The following PTTG1IP variants were observed in gnomAD, a reference collection of about 807,000 sequenced individuals.
The protein encoded by PTTG1IP is pituitary tumor-transforming gene 1 protein-interacting protein.
A neutral mutation model predicts 24.4 loss-of-function variants in PTTG1IP; 16 were observed. The observed-to-expected ratio is 0.66, with a 90% CI of 0.44 to 1.00. PTTG1IP has a LOEUF of 1.00. Among genes scored for constraint, PTTG1IP ranks in the 50% least tolerant of loss-of-function variants. PTTG1IP has a pLI of 0.00. For missense variants in PTTG1IP, 241 were observed against 245.8 expected (o/e 0.98, Z 0.13); for synonymous variants, 89 against 96.8 (o/e 0.92, Z 0.47).
At chr21:44,866,849 T>C (rs1277843406) in intron 1 of PTTG1IP, among the ~76,000 whole-genome samples, 27 of 152,250 alleles carry the variant, frequency 1.8e-4, no homozygotes, top group Non-Finnish European at 1.6e-4. Flanking sequence ...TTGGCAAGGA[T>C]GTACAGCAAC....
At chr21:44,865,471 A>T in intron 1 of PTTG1IP, 24 bp from the exon 2 acceptor site, 1 of 1,613,132 alleles carries the variant, frequency 6.2e-7, no homozygotes, top group Non-Finnish European at 8.5e-7. Context: ...GCAAGAGACA[A>T]GTCAGTCACT....
At chr21:44,854,381 C>T (rs1255649648) in intron 5 of PTTG1IP, among the ~76,000 whole-genome samples, 1 of 152,228 alleles carries the variant, frequency 6.6e-6, no homozygotes, top group Non-Finnish European at 1.5e-5. Flanking sequence ...CCCACGGCTG[C>T]CATGAACCCA....
intron 1 of PTTG1IP, among the ~76,000 whole-genome samples, chr21:44,868,109 G>A (rs1251224731): frequency 6.6e-6 from 1 of 152,224 alleles, no homozygotes; most frequent in African/African-American, 2.4e-5. Context: ...TTCAGCCCCA[G>A]GGAGGCAAAG....
chr21:44,873,265 C>G (rs1273562341), intron 1 of PTTG1IP, among the ~76,000 whole-genome samples: 2 of 151,440 alleles, frequency 1.3e-5, no homozygotes, highest in Non-Finnish European at 2.9e-5. Flanking sequence ...CTGGACAAAA[C>G]AAAGACAAAG....
intron 1 of PTTG1IP, among the ~76,000 whole-genome samples, chr21:44,867,962 C>T (rs536493435): frequency 6.6e-6 from 1 of 152,320 alleles, no homozygotes; most frequent in East Asian, 1.9e-4. Flanking sequence ...TTATTTGAAA[C>T]GAAAGCACAT....
intron 2 of PTTG1IP, chr21:44,861,846 T>A: frequency 4.2e-6 from 3 of 717,468 alleles, no homozygotes; most frequent in Non-Finnish European, 7.8e-6. Context: ...AGGCACTCAC[T>A]GAGTTTGTGT....
At chr21:44,853,589 G>A (rs142526996) in intron 5 of PTTG1IP, among the ~76,000 whole-genome samples, 1 of 152,162 alleles carries the variant, frequency 6.6e-6, no homozygotes, top group African/African-American at 2.4e-5. Context: ...CTCCAGCCAA[G>A]GCCTGCAGAG....
chr21:44,873,473 C>A (rs1442146432), intron 1 of PTTG1IP, 29 bp downstream of exon 1: 12 of 1,356,074 alleles, frequency 8.8e-6, no homozygotes, highest in Non-Finnish European at 7.5e-6. Context: ...CCGCCCCCTT[C>A]GCGGCCCCGC....
intron 5 of PTTG1IP, among the ~76,000 whole-genome samples, chr21:44,854,602 T>G (rs1323576547): frequency 1.3e-5 from 2 of 152,212 alleles, no homozygotes; most frequent in African/African-American, 4.8e-5. Context: ...GAACATCACG[T>G]GGTTTGGGGG....
chr21:44,866,252 TAACA>T (rs2083536075), intron 1 of PTTG1IP, among the ~76,000 whole-genome samples: 1 of 78,248 alleles, frequency 1.3e-5, no homozygotes, highest in Non-Finnish European at 2.4e-5. Flanking sequence ...CCCAATCCCA[TAACA>T]CACACACACA....
rs9982842 is a variant in PTTG1IP, at chr21:44,856,620, T to C, written c.278-256A>G. Among the ~76,000 whole-genome samples, 1,387 of 152,326 alleles carry C rather than the reference T, an allele frequency of 9.1e-3. 17 individuals are homozygous for C. The highest frequency in any genetic ancestry group is 0.031 in the African/African-American group (1,299 of 41,554). On this transcript the variant is annotated intron_variant, in intron 3 of 5. Coordinates refer to ENST00000330938, the MANE Select transcript of PTTG1IP (RefSeq NM_004339.4). ...CTTAGAATTTATTAACAATTTATAA[T>C]ATTAACCATAATGAACTGAAGTGAC...
At chr21:44,862,539 C>A (rs937411976) in intron 2 of PTTG1IP, among the ~76,000 whole-genome samples, 2 of 152,108 alleles carry the variant, frequency 1.3e-5, no homozygotes, top group African/African-American at 4.8e-5. Context: ...AAAAAAAGAA[C>A]TGCCGTTCGG....
chr21:44,853,507 CAAAAAA>C (rs35396285), intron 5 of PTTG1IP, among the ~76,000 whole-genome samples: 2 of 94,818 alleles, frequency 2.1e-5, no homozygotes, highest in African/African-American at 4.1e-5. Flanking sequence ...GACTCCGTCT[CAAAAAA>C]AAAAAAAAAA....
At chr21:44,859,763 A>AACC (rs2083476376) in intron 3 of PTTG1IP, among the ~76,000 whole-genome samples, 2 of 152,106 alleles carry the variant, frequency 1.3e-5, no homozygotes, top group Non-Finnish European at 2.9e-5. Context: ...CCCACACTAC[A>AACC]ACCACCACCA....
rs548835542 is a variant in PTTG1IP, at chr21:44,858,868, A to G, written c.277+2295T>C. ...TGGACTGAACTTAGGGTGACTGGTT[A>G]CCCTAAACATTGGGAAGGATGTGGA... On this transcript the variant is annotated intron_variant, in intron 3 of 5. Transcript: ENST00000330938. Among the ~76,000 whole-genome samples the G allele has an allele frequency of 3.3e-5, 5 of 152,330 alleles. No individual in the cohort carries two copies. In the South Asian group the frequency reaches 1.0e-3, roughly 32 times the overall value.
intron 2 of PTTG1IP, chr21:44,861,984 C>A: frequency 1.6e-6 from 1 of 641,778 alleles, no homozygotes; most frequent in Non-Finnish European, 2.9e-6. Flanking sequence ...CCGCCCTAAA[C>A]TGACAGCTGG....
At chr21:44,864,259 T>A (rs992687344) in intron 2 of PTTG1IP, among the ~76,000 whole-genome samples, 1 of 152,244 alleles carries the variant, frequency 6.6e-6, no homozygotes, top group African/African-American at 2.4e-5. Context: ...GCTGATTTCA[T>A]AGCGCTGCGA....
intron 5 of PTTG1IP, 140 bp from the exon 6 acceptor site, chr21:44,851,767 G>C (rs1462668886): frequency 1.0e-6 from 1 of 974,850 alleles, no homozygotes; most frequent in Non-Finnish European, 1.4e-6. Context: ...CTCTCATACA[G>C]TGCTTAACCT....
rs1448177522 is a variant in PTTG1IP, at chr21:44,873,585, G to A, written c.32C>T (p.Pro11Leu). The change falls in exon 1 of 6, where the codon CCG becomes CTG. Residue 11 changes from proline (P) to leucine (L), a missense_variant. Physicochemically the swap from Pro to Leu is moderately conservative, Grantham distance 98. Coordinates refer to ENST00000330938, the MANE Select transcript of PTTG1IP (RefSeq NM_004339.4). Reference sequence around the variant, plus strand: ...GCCACCGAGGCGCAACCTCCAGTACGGCGTCGGCCCGCGGGCCACTCCGGG... The same window carrying A: ...GCCACCGAGGCGCAACCTCCAGTACAGCGTCGGCCCGCGGGCCACTCCGGG... MAPGVARGPT[P>L]YWRLRLGGAA... 3.4e-6 allele frequency: 5 copies of A among 1,459,968 alleles called. No individual in the cohort carries two copies. Among genetic ancestry groups the A allele is most frequent in the East Asian group, 3.0e-5 (1 of 33,078 alleles). 90.4% of individuals were successfully genotyped at this position (1,459,968 alleles called of 1,614,324 possible).
Sources: gnomAD v4.1 joint callset for allele counts (sites outside exome capture counted in the v4.1 genomes callset) on GRCh38, gnomAD v4.1.1 for gene constraint, MANE v1.5 for transcripts, NCBI Gene and HGNC (gene_info 2026-07-23, HGNC 2026-07-21) for gene names.